Variants in FAM83B observed in about 807,000 individuals in gnomAD.
FAM83B encodes the protein scaffolding CK1 anchoring protein B.
A neutral mutation model predicts 38.8 loss-of-function variants in FAM83B; 26 were observed. The observed-to-expected ratio is 0.67, with a 90% CI of 0.49 to 0.93. The LOEUF (loss-of-function observed/expected upper bound fraction) is 0.93, where lower values mean the gene tolerates loss of function less well. Among genes scored for constraint, FAM83B ranks in the 40% least tolerant of loss-of-function variants. The pLI, the probability that FAM83B is intolerant of heterozygous loss-of-function variation, is 0.00. For synonymous variants in FAM83B, 419 were observed against 423.1 expected, an observed-to-expected ratio of 0.99 and a Z score of 0.12; for missense variants, 1,237 against 1,197.3, an observed-to-expected ratio of 1.03 and a Z score of -0.49.
At position 54,940,586 on chromosome 6, in the gene FAM83B, C is replaced by T. The variant is rs779244502; in HGVS notation, c.1615C>T (p.Arg539Trp). Residue 539 changes from arginine (R) to tryptophan (W), a missense_variant, in exon 5 of 5, where the codon CGG (arginine) becomes TGG (tryptophan). By Grantham distance (101) the Arg-to-Trp change is moderately radical (BLOSUM62 -3). Transcript: ENST00000306858. ...LKANALYTHSRLRSSLVFKPT... is the reference protein window; with the variant it reads ...LKANALYTHSWLRSSLVFKPT... ...GGCCAATGCCCTTTATACTCATTCT[C>T]GGCTTCGTTCCTCTTTAGTATTTAA... The T allele has an allele frequency of 3.1e-6, 5 of 1,614,024 alleles. No individual in the cohort carries two copies. The highest frequency in any genetic ancestry group is 4.2e-6 in the Non-Finnish European group (5 of 1,180,008).
At position 54,940,883 on chromosome 6, in the gene FAM83B, A is replaced by C. The variant is rs1773665943; in HGVS notation, c.1912A>C (p.Ile638Leu). The stretch of plus-strand genomic sequence containing the variant: ...TGGCCATACTGAATCAAATAACTAT[A>C]TATATAAAACCTTGGGTGTAAATAA... ...TNGHTESNNYIYKTLGVNKQT... is the reference protein window; with the variant it reads ...TNGHTESNNYLYKTLGVNKQT... The change falls in exon 5 of 5, where the codon ATA becomes CTA. Residue 638 changes from isoleucine (I) to leucine (L), a missense_variant. By Grantham distance (5) the Ile-to-Leu change is conservative. Coordinates refer to ENST00000306858, the MANE Select transcript of FAM83B (RefSeq NM_001010872.3). 6.2e-7 allele frequency: 1 copy of C among 1,613,928 alleles called. No homozygotes were observed.
chr6:54,882,114 T>C (rs1772145826), intron 2 of FAM83B, among the ~76,000 whole-genome samples: 1 of 152,224 alleles, frequency 6.6e-6, no homozygotes, highest in Non-Finnish European at 1.5e-5. Context: ...TATGGCTGCA[T>C]AGTATTCCAT....
At chr6:54,892,095 T>C (rs923545604) in intron 2 of FAM83B, among the ~76,000 whole-genome samples, 9 of 152,212 alleles carry the variant, frequency 5.9e-5, no homozygotes, top group Admixed American at 3.3e-4. Flanking sequence ...ACATTTCTGC[T>C]TTCTCCCGTA....
chr6:54,850,791 C>G (rs140599381), intron 1 of FAM83B, among the ~76,000 whole-genome samples: 1 of 151,930 alleles, frequency 6.6e-6, no homozygotes, highest in African/African-American at 2.4e-5. Context: ...GAGGCTGAGG[C>G]GGGTGGATCA....
At chr6:54,849,290 G>T (rs758237342) in intron 1 of FAM83B, among the ~76,000 whole-genome samples, 3 of 152,198 alleles carry the variant, frequency 2.0e-5, no homozygotes, top group African/African-American at 7.2e-5. Flanking sequence ...GTGCCAATGG[G>T]CATGGGCACT....
chr6:54,909,633 T>C (rs1419461693), intron 2 of FAM83B, among the ~76,000 whole-genome samples: 1 of 152,148 alleles, frequency 6.6e-6, no homozygotes, highest in Non-Finnish European at 1.5e-5. Flanking sequence ...TATTAGTTAA[T>C]TGGATGGGAT....
chr6:54,851,333 CCCTTCTGAGT>C (rs1349662987), intron 1 of FAM83B, among the ~76,000 whole-genome samples: 2 of 151,766 alleles, frequency 1.3e-5, no homozygotes, highest in African/African-American at 4.8e-5. Flanking sequence ...TTTTATCTAT[CCCTTCTGAGT>C]CCTTCTGATT....
At chr6:54,875,307 C>A (rs1322804629) in intron 2 of FAM83B, among the ~76,000 whole-genome samples, 1 of 152,154 alleles carries the variant, frequency 6.6e-6, no homozygotes, top group Non-Finnish European at 1.5e-5. Context: ...CCCTTTGCAA[C>A]CATGTCCTGC....
chr6:54,894,669 A>G (rs1211922264), intron 2 of FAM83B, among the ~76,000 whole-genome samples: 1 of 152,200 alleles, frequency 6.6e-6, no homozygotes, highest in Non-Finnish European at 1.5e-5. Flanking sequence ...GGAATAGAAT[A>G]CAAAGCCTGC....
chr6:54,927,340 A>G (rs1166804564), intron 3 of FAM83B, among the ~76,000 whole-genome samples, 168 bp from the exon 4 acceptor site: 2 of 151,946 alleles, frequency 1.3e-5, no homozygotes, highest in Non-Finnish European at 2.9e-5. Flanking sequence ...ATTGAAATGT[A>G]TATTTTAAAT....
rs1309437139 is a variant in FAM83B, at chr6:54,942,639, T to G, written c.*632T>G. On this transcript the variant is annotated 3_prime_UTR_variant, in exon 5 of 5. Transcript: ENST00000306858. ...TAATGACATTCGTAGGAATTTATTTTCCTCAGCCTTTGAAAACGGTCTGGG... is the reference window on the plus strand; with the variant it reads ...TAATGACATTCGTAGGAATTTATTTGCCTCAGCCTTTGAAAACGGTCTGGG... 1.3e-5 allele frequency among the ~76,000 whole-genome samples: 2 copies of G among 151,994 alleles called. No individual in the cohort carries two copies. Among genetic ancestry groups the G allele is most frequent in the South Asian group, 2.1e-4 (1 of 4,816 alleles).
chr6:54,871,493 CG>C (rs1771851372), intron 2 of FAM83B, among the ~76,000 whole-genome samples: 1 of 149,736 alleles, frequency 6.7e-6, no homozygotes. Flanking sequence ...CTGAAGCAGG[CG>C]AATCACTTGA....
At chr6:54,895,369 A>G (rs568814592) in intron 2 of FAM83B, among the ~76,000 whole-genome samples, 1 of 152,206 alleles carries the variant, frequency 6.6e-6, no homozygotes, top group African/African-American at 2.4e-5. Flanking sequence ...ATAAAATTCT[A>G]TTATACCTCC....
intron 2 of FAM83B, among the ~76,000 whole-genome samples, chr6:54,888,253 T>G (rs749521430): frequency 2.7e-5 from 4 of 146,164 alleles, no homozygotes; most frequent in East Asian, 2.0e-4. Flanking sequence ...CAATATATGT[T>G]TTATTTCCAA....
At chr6:54,922,728 CCA>C (rs1773199081) in intron 2 of FAM83B, among the ~76,000 whole-genome samples, 1 of 151,934 alleles carries the variant, frequency 6.6e-6, no homozygotes, top group South Asian at 2.1e-4. Context: ...CGAGCATGGT[CCA>C]GTATTTTGTT....
Position 54,940,045 on chromosome 6 carries a change from C to A in FAM83B, c.1074C>A (p.Tyr358Ter). The A allele has an allele frequency of 6.2e-7, 1 of 1,613,946 alleles. No individual in the cohort carries two copies. Among genetic ancestry groups the A allele is most frequent in the Non-Finnish European group, 8.5e-7 (1 of 1,179,966 alleles). The change falls in exon 5 of 5, where the codon TAC becomes TAA. Residue 358 changes from tyrosine (Y) to a stop codon, truncating the protein, a stop_gained. Coordinates refer to ENST00000306858, the MANE Select transcript of FAM83B (RefSeq NM_001010872.3). LOFTEE classifies it low-confidence loss of function (END_TRUNC). The part of the protein sequence containing the change: ...HDKYNIRSHG[Y>*]KPHFVPNFNG... ...AATATAACATAAGAAGTCACGGATA[C>A]AAACCTCATTTTGTTCCTAACTTTA... is the stretch of plus-strand genomic sequence containing the variant.
At chr6:54,851,883 G>A (rs1771304809) in intron 1 of FAM83B, among the ~76,000 whole-genome samples, 2 of 151,960 alleles carry the variant, frequency 1.3e-5, no homozygotes, top group South Asian at 2.1e-4. Context: ...TCTTGACCTC[G>A]TGATCCTCCC....
At chr6:54,919,895 A>G (rs1299696548) in intron 2 of FAM83B, among the ~76,000 whole-genome samples, 1 of 151,990 alleles carries the variant, frequency 6.6e-6, no homozygotes, top group Non-Finnish European at 1.5e-5. Context: ...TGTTTATTAT[A>G]TTTAGAGGTG....
chr6:54,942,916 C>A lies in FAM83B; in HGVS notation c.*909C>A, dbSNP rs866820385. Among the ~76,000 whole-genome samples the A allele has an allele frequency of 2.9e-5, 4 of 138,046 alleles. No individual in the cohort carries two copies. Among genetic ancestry groups the A allele is most frequent in the African/African-American group, 1.1e-4 (4 of 36,164 alleles). The allele number at this position is 138,046 out of a possible 152,430, so 90.6% of individuals were successfully genotyped here. ...GAAAATTCTTGCTCTTTTTTTTTTT[C>A]TTTTGAGATGGAGTCTCGCTCTGTC... On this transcript the variant is annotated 3_prime_UTR_variant, in exon 5 of 5. Coordinates refer to ENST00000306858, the MANE Select transcript of FAM83B (RefSeq NM_001010872.3).
Sources: allele counts gnomAD v4.1 joint callset (sites outside exome capture counted in the v4.1 genomes callset), GRCh38; gene constraint gnomAD v4.1.1; transcripts MANE v1.5; gene names NCBI Gene and HGNC (gene_info 2026-07-23, HGNC 2026-07-21).